Variants in ADAMTS6 observed in about 807,000 individuals in gnomAD.
The protein encoded by ADAMTS6 is ADAM metallopeptidase with thrombospondin type 1 motif 6, also known as A disintegrin and metalloproteinase with thrombospondin motifs 6.
A neutral mutation model predicts 144.3 loss-of-function variants in ADAMTS6; 23 were observed. That is an observed-to-expected ratio of 0.16 (90% CI 0.11 to 0.23). The LOEUF (loss-of-function observed/expected upper bound fraction) is 0.23, where lower values mean the gene tolerates loss of function less well. Ranked by LOEUF, ADAMTS6 falls within the 10% of genes least tolerant of loss-of-function variation. The pLI, the probability that ADAMTS6 is intolerant of heterozygous loss-of-function variation, is 1.00. For synonymous variants in ADAMTS6, 444 were observed against 457.5 expected (o/e 0.97, Z 0.38); for missense variants, 999 against 1,379.6 (o/e 0.72, Z 4.37).
intron 7 of ADAMTS6, among the ~76,000 whole-genome samples, chr5:65,373,835 T>G (rs1751228205): frequency 6.6e-6 from 1 of 152,072 alleles, no homozygotes; most frequent in Non-Finnish European, 1.5e-5. Context: ...ATATCCTTGA[T>G]GAACATTGAT....
At chr5:65,396,069 T>C (rs1753308399) in intron 7 of ADAMTS6, among the ~76,000 whole-genome samples, 1 of 152,134 alleles carries the variant, frequency 6.6e-6, no homozygotes, top group Non-Finnish European at 1.5e-5. Context: ...TACATAAAAT[T>C]AAGGTAATAT....
intron 7 of ADAMTS6, among the ~76,000 whole-genome samples, chr5:65,423,075 C>T (rs2150202424): frequency 6.6e-6 from 1 of 152,196 alleles, no homozygotes; most frequent in South Asian, 2.1e-4. Context: ...GAGTGGAAAA[C>T]CAAATACTGT....
intron 7 of ADAMTS6, among the ~76,000 whole-genome samples, chr5:65,373,435 G>A (rs568796375): frequency 0.024 from 3,606 of 150,276 alleles, 64 homozygotes; most frequent in African/African-American, 0.061. Context: ...TATCACCACC[G>A]ATCCCACAGA....
intron 8 of ADAMTS6, among the ~76,000 whole-genome samples, 171 bp downstream of exon 8, chr5:65,333,871 A>G (rs78887494): frequency 0.013 from 1,951 of 151,462 alleles, 33 homozygotes; most frequent in East Asian, 0.083. Flanking sequence ...AGTAAATGAC[A>G]TATCCACAAA....
chr5:65,466,326 CAT>C (rs1273542489), intron 3 of ADAMTS6, among the ~76,000 whole-genome samples: 8 of 152,186 alleles, frequency 5.3e-5, no homozygotes, highest in Admixed American at 5.2e-4. Context: ...ACTCTAAGAT[CAT>C]ATCTTTGTAC....
In ADAMTS6 at chr5:65,481,488, C is replaced by T. The variant is rs1761205028; in HGVS notation, c.-425G>A. ...GCCCCCCTTTGCAAAGCCACACCAG[C>T]CAGTTATTCTGCAGCCAGAATAAAA... On this transcript the variant is annotated 5_prime_UTR_variant, in exon 1 of 25. Transcript: ENST00000381055. The T allele has an allele frequency of 6.6e-6, 1 of 150,900 alleles. No individual in the cohort carries two copies. The highest frequency in any genetic ancestry group is 2.1e-4 in the South Asian group (1 of 4,784). 9.3% of individuals were successfully genotyped at this position (150,900 alleles called of 1,614,324 possible). A position where few individuals can be genotyped will look rare whatever the true frequency, so the allele number is the denominator to read the frequency against.
Position 65,224,419 on chromosome 5 carries a change from C to A in ADAMTS6, c.2192-19G>T, listed in dbSNP as rs767953952. ...ATGTAGCCTGGAACACAGAAGATAG[C>A]CAGTATTAAGCAGCCTTGGTCAGGA... is the stretch of plus-strand genomic sequence containing the variant. On this transcript the variant is annotated intron_variant, in intron 17 of 24. Transcript: ENST00000381055. 6.2e-7 allele frequency: 1 copy of A among 1,608,924 alleles called. No individual in the cohort carries two copies. The highest frequency in any genetic ancestry group is 1.1e-5 in the South Asian group (1 of 90,984).
chr5:65,203,909 T>G (rs1755906524), intron 20 of ADAMTS6, among the ~76,000 whole-genome samples: 1 of 152,220 alleles, frequency 6.6e-6, no homozygotes, highest in Non-Finnish European at 1.5e-5. Flanking sequence ...ATTAATACAA[T>G]AGGAATGCAC....
At chr5:65,226,569 A>T (rs1346789963) in intron 15 of ADAMTS6, among the ~76,000 whole-genome samples, 6 of 152,068 alleles carry the variant, frequency 3.9e-5, no homozygotes, top group African/African-American at 7.2e-5. Flanking sequence ...AATGTTTTTT[A>T]AAAAAATAAA....
chr5:65,393,332 T>C (rs568114604), intron 7 of ADAMTS6, among the ~76,000 whole-genome samples: 1 of 152,346 alleles, frequency 6.6e-6, no homozygotes, highest in Non-Finnish European at 1.5e-5. Context: ...TTCTTTAACA[T>C]AATCCTTCCA....
intron 7 of ADAMTS6, among the ~76,000 whole-genome samples, chr5:65,340,472 A>G (rs1467586422): frequency 6.6e-6 from 1 of 152,110 alleles, no homozygotes; most frequent in Non-Finnish European, 1.5e-5. Flanking sequence ...CAAAGAATAA[A>G]GACAAAGGAA....
chr5:65,355,698 C>G (rs1749252561), intron 7 of ADAMTS6, among the ~76,000 whole-genome samples: 1 of 151,784 alleles, frequency 6.6e-6, no homozygotes, highest in Non-Finnish European at 1.5e-5. Context: ...ACTAAAGCAT[C>G]TTATCTAAAG....
Position 65,323,460 on chromosome 5 carries a change from T to A in ADAMTS6, c.1223+5918A>T, listed in dbSNP as rs182797916. Reference sequence around the variant, plus strand: ...AAGGACATGAAATCATCATTTTTTATGGCTGCATAGTATTCCATGGTGCAT... The same window carrying A: ...AAGGACATGAAATCATCATTTTTTAAGGCTGCATAGTATTCCATGGTGCAT... On this transcript the variant is annotated intron_variant, in intron 9 of 24. Coordinates refer to ENST00000381055, the MANE Select transcript of ADAMTS6 (RefSeq NM_197941.4). Among the ~76,000 whole-genome samples the A allele has an allele frequency of 5.5e-3, 844 of 152,202 alleles. 4 individuals are homozygous for A. Among genetic ancestry groups the A allele is most frequent in the Non-Finnish European group, 8.9e-3 (605 of 67,992 alleles).
intron 21 of ADAMTS6, among the ~76,000 whole-genome samples, chr5:65,192,922 G>A (rs1487078446): frequency 6.6e-6 from 1 of 151,400 alleles, no homozygotes; most frequent in Non-Finnish European, 1.5e-5. Flanking sequence ...CTCCCTTTTT[G>A]TATACTGTAC....
intron 9 of ADAMTS6, among the ~76,000 whole-genome samples, chr5:65,315,236 A>C (rs1174483652): frequency 1.4e-4 from 22 of 152,030 alleles, no homozygotes. Flanking sequence ...ATTTAGTGCT[A>C]TTTGAAGGCA....
chr5:65,376,167 C>G (rs1001617794), intron 7 of ADAMTS6, among the ~76,000 whole-genome samples: 1 of 151,952 alleles, frequency 6.6e-6, no homozygotes, highest in African/African-American at 2.4e-5. Context: ...TGCTAGATGA[C>G]GAGTTAGTGG....
chr5:65,371,038 C>T (rs565895635), intron 7 of ADAMTS6, among the ~76,000 whole-genome samples: 115 of 152,264 alleles, frequency 7.6e-4, no homozygotes, highest in South Asian at 6.6e-3. Context: ...TGGCCGGGTA[C>T]TCCAACAGAC....
intron 7 of ADAMTS6, among the ~76,000 whole-genome samples, chr5:65,353,334 G>A (rs969337297): frequency 2.0e-5 from 3 of 151,998 alleles, no homozygotes; most frequent in African/African-American, 7.2e-5. Flanking sequence ...ATTTACAGAA[G>A]TTAAGTAACT....
chr5:65,207,302 C>T (rs1407310913), intron 20 of ADAMTS6, among the ~76,000 whole-genome samples: 1 of 152,052 alleles, frequency 6.6e-6, no homozygotes, highest in Non-Finnish European at 1.5e-5. Flanking sequence ...AGAAAGTTAT[C>T]AGGAGTGTCA....
Sources: allele counts gnomAD v4.1 joint callset (sites outside exome capture counted in the v4.1 genomes callset), GRCh38; gene constraint gnomAD v4.1.1; transcripts MANE v1.5; gene names NCBI Gene and HGNC (gene_info 2026-07-23, HGNC 2026-07-21).